KCTD8: variants seen among roughly 807,000 people sequenced by gnomAD.
KCTD8 encodes BTB/POZ domain-containing protein KCTD8.
KCTD8 carries 27 observed loss-of-function variants against 31.5 expected under a neutral mutation model. That is an observed-to-expected ratio of 0.86 (90% CI 0.63 to 1.18). The LOEUF is 1.18. Among genes scored for constraint, KCTD8 ranks in the 50% most tolerant of loss-of-function variants. The pLI, the probability that KCTD8 is intolerant of heterozygous loss-of-function variation, is 0.00. For missense variants in KCTD8, 658 were observed against 647.7 expected (o/e 1.02, Z -0.17); for synonymous variants, 290 against 280.0 (o/e 1.04, Z -0.36).
At chr4:44,308,254 T>C (rs577966935) in intron 1 of KCTD8, among the ~76,000 whole-genome samples, 1 of 152,006 alleles carries the variant, frequency 6.6e-6, no homozygotes, top group Non-Finnish European at 1.5e-5. Context: ...ATCGATATAG[T>C]ATAATCAATC....
chr4:44,192,195 A>G (rs974034492), intron 1 of KCTD8, among the ~76,000 whole-genome samples: 3 of 152,242 alleles, frequency 2.0e-5, no homozygotes, highest in Admixed American at 6.5e-5. Flanking sequence ...TACTGACCAA[A>G]GAAATTGGAG....
chr4:44,352,242 C>T (rs2109425270), intron 1 of KCTD8, among the ~76,000 whole-genome samples: 2 of 152,008 alleles, frequency 1.3e-5, no homozygotes, highest in South Asian at 4.1e-4. Flanking sequence ...GTTTGGGTTC[C>T]ACAATGCCTC....
At chr4:44,405,756 G>A (rs930103650) in intron 1 of KCTD8, among the ~76,000 whole-genome samples, 3 of 123,422 alleles carry the variant, frequency 2.4e-5, no homozygotes, top group Non-Finnish European at 3.2e-5. Context: ...GGTGGTCAAT[G>A]TTAATTTTTG....
At chr4:44,375,300 G>A (rs1490712752) in intron 1 of KCTD8, among the ~76,000 whole-genome samples, 1 of 152,112 alleles carries the variant, frequency 6.6e-6, no homozygotes. Context: ...GGGATAAAGT[G>A]CTAGGAAATT....
chr4:44,318,550 C>T (rs1373430690), intron 1 of KCTD8, among the ~76,000 whole-genome samples: 2 of 152,050 alleles, frequency 1.3e-5, no homozygotes, highest in African/African-American at 2.4e-5. Flanking sequence ...GACTTCAAGT[C>T]AGATGTGGGT....
chr4:44,314,268 T>A (rs1445644061), intron 1 of KCTD8, among the ~76,000 whole-genome samples: 2 of 152,072 alleles, frequency 1.3e-5, no homozygotes, highest in African/African-American at 2.4e-5. Context: ...GATAGAGGAT[T>A]CTGTTTTGGA....
intron 1 of KCTD8, among the ~76,000 whole-genome samples, chr4:44,363,074 C>T (rs1719542166): frequency 6.6e-6 from 1 of 151,846 alleles, no homozygotes; most frequent in African/African-American, 2.4e-5. Flanking sequence ...AGGTTATGTG[C>T]AAGATGGTAA....
chr4:44,405,240 T>TG (rs1355881463), intron 1 of KCTD8, among the ~76,000 whole-genome samples: 22 of 124,568 alleles, frequency 1.8e-4, no homozygotes, highest in South Asian at 5.4e-4. Flanking sequence ...CAGCCAGGTG[T>TG]TTTTGTTTGT....
At chr4:44,408,957 A>G (rs1720887480) in intron 1 of KCTD8, among the ~76,000 whole-genome samples, 1 of 151,736 alleles carries the variant, frequency 6.6e-6, no homozygotes, top group African/African-American at 2.4e-5. Flanking sequence ...TAATAAAAGA[A>G]TAAGGCTGGA....
chr4:44,208,301 A>C (rs985517009), intron 1 of KCTD8, among the ~76,000 whole-genome samples: 1 of 152,170 alleles, frequency 6.6e-6, no homozygotes, highest in Admixed American at 6.5e-5. Flanking sequence ...TGTCACATCT[A>C]ACATCTGCCC....
chr4:44,287,695 G>C (rs1345829800), intron 1 of KCTD8, among the ~76,000 whole-genome samples: 1 of 152,020 alleles, frequency 6.6e-6, no homozygotes, highest in African/African-American at 2.4e-5. Flanking sequence ...GTCACCTTTG[G>C]CACCACTTTT....
intron 1 of KCTD8, among the ~76,000 whole-genome samples, chr4:44,202,975 C>T (rs1490735647): frequency 6.6e-6 from 1 of 151,876 alleles, no homozygotes; most frequent in African/African-American, 2.4e-5. Context: ...AAGAAAAAAG[C>T]CTTATCTTTT....
At position 44,246,662 on chromosome 4, in the gene KCTD8, C is replaced by G. The variant is rs549996370; in HGVS notation, c.962-71412G>C. Among the ~76,000 whole-genome samples, 15 of 152,152 alleles carry G rather than the reference C, an allele frequency of 9.9e-5. No individual in the cohort carries two copies. The East Asian group carries it at 2.5e-3, about 25-fold the overall frequency. ...CTTAAAGAGCCATCAATCCTTGATG[C>G]CTTTAATTCTTCACGTCACATTCAT... is the stretch of plus-strand genomic sequence containing the variant. On this transcript the variant is annotated intron_variant, in intron 1 of 1. Transcript: ENST00000360029.
chr4:44,274,061 A>G (rs895019416), intron 1 of KCTD8, among the ~76,000 whole-genome samples: 2 of 151,948 alleles, frequency 1.3e-5, no homozygotes, highest in African/African-American at 4.8e-5. Context: ...CTCTCCCTGT[A>G]TTCTTTAACT....
At chr4:44,252,047 T>C (rs989706254) in intron 1 of KCTD8, among the ~76,000 whole-genome samples, 1 of 151,738 alleles carries the variant, frequency 6.6e-6, no homozygotes, top group African/African-American at 2.4e-5. Flanking sequence ...AAGTCCACTG[T>C]ATGATTCTTA....
At chr4:44,186,968 C>T (rs372331873) in intron 1 of KCTD8, among the ~76,000 whole-genome samples, 3 of 149,728 alleles carry the variant, frequency 2.0e-5, no homozygotes, top group Middle Eastern at 3.4e-3. Context: ...AATATATAAA[C>T]CCAAGTGTAA....
At chr4:44,432,232 A>T (rs1329198104) in intron 1 of KCTD8, among the ~76,000 whole-genome samples, 1 of 151,546 alleles carries the variant, frequency 6.6e-6, no homozygotes, top group Non-Finnish European at 1.5e-5. Flanking sequence ...TGTAAAAAAA[A>T]TTATTTATAT....
At chr4:44,416,600 A>G (rs1721083479) in intron 1 of KCTD8, among the ~76,000 whole-genome samples, 1 of 152,078 alleles carries the variant, frequency 6.6e-6, no homozygotes, top group Non-Finnish European at 1.5e-5. Context: ...CAGTTCACTC[A>G]AGATTTGGTT....
intron 1 of KCTD8, among the ~76,000 whole-genome samples, chr4:44,412,488 C>T (rs1166574246): frequency 2.6e-5 from 4 of 152,102 alleles, no homozygotes; most frequent in African/African-American, 9.7e-5. Context: ...TATAATTTCT[C>T]CAATATGGGA....
Sources: allele counts gnomAD v4.1 joint callset (sites outside exome capture counted in the v4.1 genomes callset), GRCh38; gene constraint gnomAD v4.1.1; transcripts MANE v1.5; gene names NCBI Gene and HGNC (gene_info 2026-07-23, HGNC 2026-07-21).